The following SLC2A9 variants were observed in gnomAD, a reference collection of about 807,000 sequenced individuals.
SLC2A9 encodes solute carrier family 2, facilitated glucose transporter member 9.
In SLC2A9, 39 loss-of-function variants were observed where a neutral mutation model predicts 50.6. The observed-to-expected ratio is 0.77, with a 90% CI of 0.60 to 1.01. The LOEUF (loss-of-function observed/expected upper bound fraction) is 1.01. Ranked by LOEUF, SLC2A9 falls within the 50% of genes least tolerant of loss-of-function variation. The probability of loss-of-function intolerance (pLI) is 0.00; values close to 1 mark genes in which losing one functional copy is unlikely to be tolerated. For missense variants in SLC2A9, 686 were observed against 677.6 expected, an observed-to-expected ratio of 1.01 and a Z score of -0.14; for synonymous variants, 324 against 276.9, an observed-to-expected ratio of 1.17 and a Z score of -1.69.
At chr4:9,913,874 C>G (rs1463561043) in intron 7 of SLC2A9, among the ~76,000 whole-genome samples, 1 of 152,244 alleles carries the variant, frequency 6.6e-6, no homozygotes, top group East Asian at 1.9e-4. Flanking sequence ...ACATTTTCAT[C>G]CCCATCTGGT....
intron 5 of SLC2A9, among the ~76,000 whole-genome samples, chr4:9,953,137 G>T (rs576640755): frequency 6.6e-6 from 1 of 152,152 alleles, no homozygotes; most frequent in African/African-American, 2.4e-5. Context: ...GGTTCGGATC[G>T]CATCTTGGTC....
chr4:9,782,904 C>G lies in SLC2A9; in HGVS notation n.386-2839G>C, dbSNP rs141145675. On this transcript the variant is annotated intron_variant and non_coding_transcript_variant, in intron 3 of 3. Coordinates refer to the SLC2A9 transcript ENST00000503803. ...CTGCGCGCTTCCATCAAGAAGGAGA[C>G]CAAGGTTCTCAAGACCCTGTCGGTG... 57 of 1,614,000 alleles carry G rather than the reference C, an allele frequency of 3.5e-5. No homozygotes were observed. The African/African-American group carries it at 7.3e-4, about 21-fold the overall frequency.
rs137913037 is a variant in SLC2A9, at chr4:9,903,213, A to C, written c.1113+5022T>G. On this transcript the variant is annotated intron_variant, in intron 8 of 11. Coordinates refer to ENST00000264784, the MANE Select transcript of SLC2A9 (RefSeq NM_020041.3). ...GAGGCCTTTGATTCTGAAATTGTCG[A>C]ATTTATTGGGAAGCAATGGAGACTA... is the stretch of plus-strand genomic sequence containing the variant. Among the ~76,000 whole-genome samples, 60 of 152,058 alleles carry C rather than the reference A, an allele frequency of 3.9e-4. No individual in the cohort carries two copies. The East Asian group carries it at 4.8e-3, about 12-fold the overall frequency.
At chr4:9,888,025 C>G (rs947078606) in intron 9 of SLC2A9, among the ~76,000 whole-genome samples, 1 of 151,370 alleles carries the variant, frequency 6.6e-6, no homozygotes, top group South Asian at 2.1e-4. Flanking sequence ...GAACCGAAAA[C>G]CAAACCCCAC....
intron 5 of SLC2A9, among the ~76,000 whole-genome samples, chr4:9,962,238 A>C (rs952777867): frequency 6.6e-6 from 1 of 152,264 alleles, no homozygotes; most frequent in East Asian, 1.9e-4. Flanking sequence ...AATGAATATA[A>C]ATCATTCTAT....
intron 1 of SLC2A9, among the ~76,000 whole-genome samples, chr4:10,020,145 G>T (rs901518680): frequency 6.6e-6 from 1 of 151,948 alleles, no homozygotes. Flanking sequence ...ATGGTTCAGG[G>T]ACCCATATCA....
intron 2 of SLC2A9, among the ~76,000 whole-genome samples, chr4:9,998,780 T>C (rs1759230465): frequency 6.6e-6 from 1 of 152,116 alleles, no homozygotes; most frequent in African/African-American, 2.4e-5. Context: ...AATAAACAAA[T>C]TGCAGAATCA....
intron 3 of SLC2A9, among the ~76,000 whole-genome samples, chr4:9,790,275 G>T (rs1414571850): frequency 6.6e-6 from 1 of 152,228 alleles, no homozygotes; most frequent in African/African-American, 2.4e-5. Context: ...AGACTTGGTT[G>T]TAAATTCCCT....
downstream of SLC2A9, among the ~76,000 whole-genome samples, chr4:9,797,608 T>C (rs901180246): frequency 6.6e-6 from 1 of 152,214 alleles, no homozygotes; most frequent in Non-Finnish European, 1.5e-5. Flanking sequence ...AGATTCAAGT[T>C]ATCAACTGCC....
intron 11 of SLC2A9, among the ~76,000 whole-genome samples, chr4:9,832,027 T>A (rs1726238042): frequency 6.6e-6 from 1 of 152,222 alleles, no homozygotes; most frequent in African/African-American, 2.4e-5. Flanking sequence ...CTCAGACTTC[T>A]ACCTTCTAGA....
intron 2 of SLC2A9, among the ~76,000 whole-genome samples, chr4:10,008,773 T>C (rs1761235548): frequency 6.6e-6 from 1 of 152,196 alleles, no homozygotes; most frequent in African/African-American, 2.4e-5. Context: ...ATCTCTCCCT[T>C]ATTTGTAATA....
intron 3 of SLC2A9, among the ~76,000 whole-genome samples, chr4:9,800,242 C>T (rs1404731905): frequency 1.3e-5 from 2 of 152,154 alleles, no homozygotes; most frequent in African/African-American, 4.8e-5. Context: ...GGCTCTAGGT[C>T]ATGGACGTGG....
rs1270949501 is a variant in SLC2A9, at chr4:9,818,282, T to C, written n.420+8138A>G. Reference sequence around the variant, plus strand: ...AGGAACTTCTGCCCTTTTTACTCACTCCTCCCCCAAGCAAGGAGGACTAAT... The same window carrying C: ...AGGAACTTCTGCCCTTTTTACTCACCCCTCCCCCAAGCAAGGAGGACTAAT... On this transcript the variant is annotated intron_variant and non_coding_transcript_variant, in intron 3 of 3. Transcript: ENST00000503280. Among the ~76,000 whole-genome samples the C allele has an allele frequency of 2.6e-5, 4 of 152,152 alleles. No individual in the cohort carries two copies. The East Asian group carries it at 7.7e-4, about 29-fold the overall frequency.
In SLC2A9 at chr4:9,786,035, A is replaced by G. The variant is rs77269347; in HGVS notation, n.386-5970T>C. Among the ~76,000 whole-genome samples, 883 of 152,304 alleles carry G rather than the reference A, an allele frequency of 5.8e-3. 34 individuals carry two copies. The East Asian group carries it at 0.082, about 14-fold the overall frequency. On this transcript the variant is annotated intron_variant and non_coding_transcript_variant, in intron 3 of 3. Coordinates refer to the SLC2A9 transcript ENST00000503803. ...GAGTAATTCAGGCGGAGGGAGTGGC[A>G]AGTGCAAAGGCTTGGAAATGGGATT... is the stretch of plus-strand genomic sequence containing the variant.
intron 5 of SLC2A9, among the ~76,000 whole-genome samples, chr4:9,976,444 G>T (rs1754817087): frequency 6.6e-6 from 1 of 152,190 alleles, no homozygotes; most frequent in Non-Finnish European, 1.5e-5. Flanking sequence ...GACACTTAGT[G>T]AAATAACTGT....
intron 1 of SLC2A9, among the ~76,000 whole-genome samples, chr4:10,027,423 C>G (rs898933346): frequency 6.6e-6 from 1 of 152,158 alleles, no homozygotes; most frequent in South Asian, 2.1e-4. Flanking sequence ...TACAGCAAAA[C>G]GATCCCAAAG....
chr4:9,927,994 A>T (rs1352906819), intron 6 of SLC2A9, among the ~76,000 whole-genome samples: 1 of 152,268 alleles, frequency 6.6e-6, no homozygotes, highest in Non-Finnish European at 1.5e-5. Flanking sequence ...AAAGCTGAGC[A>T]TAGTAGTACA....
chr4:10,025,793 C>G (rs1350657500), upstream of SLC2A9: 2 of 1,026,022 alleles, frequency 1.9e-6, no homozygotes, highest in African/African-American at 3.3e-5. Flanking sequence ...TCACTCTTTT[C>G]TCTGCCCAGC....
chr4:9,880,931 T>G (rs1281218239), intron 10 of SLC2A9, among the ~76,000 whole-genome samples: 1 of 152,184 alleles, frequency 6.6e-6, no homozygotes, highest in Non-Finnish European at 1.5e-5. Context: ...GTGAAATTCA[T>G]GCACACAGAC....
Sources: gnomAD v4.1 joint callset for allele counts (sites outside exome capture counted in the v4.1 genomes callset) on GRCh38, gnomAD v4.1.1 for gene constraint, MANE v1.5 for transcripts, NCBI Gene and HGNC (gene_info 2026-07-23, HGNC 2026-07-21) for gene names.